Variants in TP53BP1 observed in about 807,000 individuals in gnomAD.
TP53BP1 encodes tumor protein p53 binding protein 1.
A neutral mutation model predicts 200.8 loss-of-function variants in TP53BP1; 61 were observed. The observed-to-expected ratio is 0.30, with a 90% CI of 0.25 to 0.38. The LOEUF (loss-of-function observed/expected upper bound fraction) is 0.38. Among genes scored for constraint, TP53BP1 ranks in the 10% least tolerant of loss-of-function variants. The probability of loss-of-function intolerance (pLI) is 1.00; values close to 1 mark genes in which losing one functional copy is unlikely to be tolerated. For synonymous variants in TP53BP1, 822 were observed against 844.3 expected (o/e 0.97, Z 0.46); for missense variants, 2,144 against 2,371.9 (o/e 0.90, Z 2.00).
chr15:43,507,475 T>G (rs2079243538), intron 1 of TP53BP1, among the ~76,000 whole-genome samples: 1 of 152,312 alleles, frequency 6.6e-6, no homozygotes, highest in Admixed American at 6.5e-5. Context: ...CCTGGACAAC[T>G]CGTAGTCAAG....
chr15:43,469,727 C>A (rs1595596817), intron 11 of TP53BP1, 131 bp downstream of exon 11: 2 of 797,154 alleles, frequency 2.5e-6, no homozygotes, highest in East Asian at 5.4e-5. Flanking sequence ...CTTCACAACT[C>A]TGTAAATTTA....
chr15:43,447,595 T>A (rs2046074013), intron 12 of TP53BP1, 110 bp from the exon 13 acceptor site: 3 of 1,086,590 alleles, frequency 2.8e-6, no homozygotes. Context: ...TTTCAATCAC[T>A]CTTTTCCTTT....
At chr15:43,421,583 C>T (rs1411754158) in intron 19 of TP53BP1, 3 of 554,524 alleles carry the variant, frequency 5.4e-6, no homozygotes, top group Non-Finnish European at 6.4e-6. Context: ...AGAAGCAGTG[C>T]CCACCAGATG....
chr15:43,502,952 C>A (rs1276730551), intron 1 of TP53BP1, among the ~76,000 whole-genome samples: 1 of 151,952 alleles, frequency 6.6e-6, no homozygotes, highest in African/African-American at 2.4e-5. Flanking sequence ...GGGGTTTTGC[C>A]GTGTTGGCCA....
intron 11 of TP53BP1, among the ~76,000 whole-genome samples, chr15:43,466,554 AT>A (rs1226169148): frequency 6.6e-6 from 1 of 152,130 alleles, no homozygotes; most frequent in Non-Finnish European, 1.5e-5. Flanking sequence ...AATGGCTAAA[AT>A]TTTTTTATGA....
intron 4 of TP53BP1, among the ~76,000 whole-genome samples, chr15:43,491,284 T>C (rs1169489415): frequency 6.6e-6 from 1 of 152,056 alleles, no homozygotes; most frequent in Non-Finnish European, 1.5e-5. Flanking sequence ...TTTCACCATG[T>C]TGGCCAGGCT....
At chr15:43,409,441 C>T in intron 25 of TP53BP1, 1 of 536,500 alleles carries the variant, frequency 1.9e-6, no homozygotes. Context: ...AGAACCATAG[C>T]CATTAACTAA....
chr15:43,469,598 C>T (rs901738890), intron 11 of TP53BP1, among the ~76,000 whole-genome samples: 3 of 151,998 alleles, frequency 2.0e-5, no homozygotes, highest in Middle Eastern at 3.4e-3. Flanking sequence ...TATGTCACTT[C>T]GCAATTTTGC....
intron 4 of TP53BP1, among the ~76,000 whole-genome samples, chr15:43,482,559 G>A (rs2078988387): frequency 6.6e-6 from 1 of 152,152 alleles, no homozygotes; most frequent in Non-Finnish European, 1.5e-5. Context: ...ACAAGGTCAG[G>A]AGATCGAGAC....
intron 15 of TP53BP1, among the ~76,000 whole-genome samples, chr15:43,439,277 C>T (rs1170054977): frequency 2.0e-5 from 3 of 152,152 alleles, no homozygotes; most frequent in South Asian, 2.1e-4. Context: ...GTGGCTTATA[C>T]CTGTAATCCT....
rs397699362 is a variant in TP53BP1 at position 43,438,728 on chromosome 15, C to CAAAAAAAAAAAAAAAAAAAAAAA, written c.3099-335_3099-313dup. ...CAACAAATAATTTGCAAGCAAGAGG[C>CAAAAAAAAAAAAAAAAAAAAAAA]AAAAAAAAAAAAAAAAAAAAAAAAA... On this transcript the variant is annotated intron_variant, in intron 15 of 27. Transcript: ENST00000382044. Among the ~76,000 whole-genome samples, 2 of 21,654 alleles carry CAAAAAAAAAAAAAAAAAAAAAAA rather than the reference C, an allele frequency of 9.2e-5. 1 individual carries two copies. The highest frequency in any genetic ancestry group is 1.6e-4 in the Non-Finnish European group (2 of 12,300). 14.2% of individuals were successfully genotyped at this position (21,654 alleles called of 152,430 possible). A position where few individuals can be genotyped will look rare whatever the true frequency, so the allele number is the denominator to read the frequency against.
upstream of TP53BP1, chr15:43,493,267 G>C (rs2140161663): frequency 3.6e-6 from 5 of 1,398,944 alleles, no homozygotes; most frequent in African/African-American, 2.9e-5. Context: ...CCTGCCCCAC[G>C]TAAGAAAAAG....
At chr15:43,452,639 T>G (rs1299896196) in intron 12 of TP53BP1, among the ~76,000 whole-genome samples, 1 of 152,318 alleles carries the variant, frequency 6.6e-6, no homozygotes, top group African/African-American at 2.4e-5. Context: ...TTATTTTTAT[T>G]TAACTTCTCC....
In TP53BP1 at chr15:43,430,302, C is replaced by G. The variant is rs528396600; in HGVS notation, c.3675+1892G>C. ...CACTGAAGGGGATTTTTAAAAAGCA[C>G]CGACACCTGGAAAACTTGCATACAG... On this transcript the variant is annotated intron_variant, in intron 17 of 27. Transcript: ENST00000382044. Among the ~76,000 whole-genome samples the G allele has an allele frequency of 3.9e-5, 6 of 152,276 alleles. No individual in the cohort carries two copies. The South Asian group carries it at 1.2e-3, about 32-fold the overall frequency.
chr15:43,417,895 T>C (rs998736109), intron 21 of TP53BP1, among the ~76,000 whole-genome samples: 4 of 152,162 alleles, frequency 2.6e-5, no homozygotes, highest in Admixed American at 1.3e-4. Context: ...AAGCCATTTT[T>C]CCAGCCGGGA....
At chr15:43,507,138 C>T (rs979659761) in intron 1 of TP53BP1, among the ~76,000 whole-genome samples, 1 of 151,668 alleles carries the variant, frequency 6.6e-6, no homozygotes, top group Non-Finnish European at 1.5e-5. Context: ...TTGTCCAATT[C>T]TCTTTTTTTT....
intron 12 of TP53BP1, among the ~76,000 whole-genome samples, chr15:43,452,057 C>T (rs1457672822): frequency 6.6e-6 from 1 of 152,174 alleles, no homozygotes; most frequent in African/African-American, 2.4e-5. Flanking sequence ...ATCACTTGAA[C>T]CTGGGAGGCG....
chr15:43,422,923 A>G (rs544162559), intron 18 of TP53BP1, among the ~76,000 whole-genome samples: 1 of 151,832 alleles, frequency 6.6e-6, no homozygotes, highest in African/African-American at 2.4e-5. Context: ...TGAGCTTGGA[A>G]GTCAAGGCTG....
rs771023981 is a variant in TP53BP1, at chr15:43,403,784, G to A, written c.*3599C>T. The A allele has an allele frequency of 2.5e-6, 4 of 1,613,736 alleles. No homozygotes were observed. The South Asian group carries it at 3.3e-5, about 13-fold the overall frequency. On this transcript the variant is annotated 3_prime_UTR_variant, in exon 28 of 28. Coordinates refer to ENST00000382044, the MANE Select transcript of TP53BP1 (RefSeq NM_001141980.3). ...TGGATGAGCGTGGAGCCGCCCAGCT[G>A]AGCATTCTCGTGAAGGTGCGTCTGC...
Sources: allele counts gnomAD v4.1 joint callset (sites outside exome capture counted in the v4.1 genomes callset), GRCh38; gene constraint gnomAD v4.1.1; transcripts MANE v1.5; gene names NCBI Gene and HGNC (gene_info 2026-07-23, HGNC 2026-07-21).